OTUD7A: variants seen among roughly 807,000 people sequenced by gnomAD.
OTUD7A encodes the protein OTU domain-containing protein 7A.
A neutral mutation model predicts 65.7 loss-of-function variants in OTUD7A; 12 were observed. The observed-to-expected ratio is 0.18, with a 90% CI of 0.12 to 0.30. The LOEUF (loss-of-function observed/expected upper bound fraction) is 0.30, where lower values mean the gene tolerates loss of function less well. Among genes scored for constraint, OTUD7A ranks in the 10% least tolerant of loss-of-function variants. The pLI, the probability that OTUD7A is intolerant of heterozygous loss-of-function variation, is 1.00. For missense variants in OTUD7A, 1,148 were observed against 1,304.8 expected (o/e 0.88, Z 1.85); for synonymous variants, 641 against 586.3 (o/e 1.09, Z -1.35).
chr15:31,856,399 T>A (rs1015139057), intron 1 of OTUD7A, among the ~76,000 whole-genome samples: 14 of 152,086 alleles, frequency 9.2e-5, no homozygotes, highest in African/African-American at 3.4e-4. Flanking sequence ...AATATTAGAT[T>A]TTTTTTCATG....
chr15:31,843,128 C>T (rs1173464188), intron 1 of OTUD7A, among the ~76,000 whole-genome samples: 1 of 151,822 alleles, frequency 6.6e-6, no homozygotes. Flanking sequence ...TGTGAGGAGT[C>T]GGGAAGTCTA....
At chr15:31,526,501 A>AGCTGC in intron 7 of OTUD7A, 40 bp from the exon 8 acceptor site, 2 of 1,473,994 alleles carry the variant, frequency 1.4e-6, no homozygotes, top group Non-Finnish European at 1.8e-6. Context: ...GGTGGGCCAC[A>AGCTGC]GCTGCGCTGC....
chr15:31,750,613 A>T (rs1362321910), intron 1 of OTUD7A, among the ~76,000 whole-genome samples: 6 of 152,278 alleles, frequency 3.9e-5, no homozygotes, highest in African/African-American at 1.4e-4. Context: ...ACTATACTAC[A>T]AGACCACAGT....
At chr15:31,805,662 A>G (rs1053803082) in intron 1 of OTUD7A, among the ~76,000 whole-genome samples, 4 of 152,194 alleles carry the variant, frequency 2.6e-5, no homozygotes, top group African/African-American at 9.7e-5. Flanking sequence ...ACTTCAATCC[A>G]GATGAATGTG....
At chr15:31,558,879 T>G in intron 5 of OTUD7A, 90 bp downstream of exon 5, 1 of 1,375,750 alleles carries the variant, frequency 7.3e-7, no homozygotes, top group Non-Finnish European at 1.0e-6. Flanking sequence ...TCTGAGAACA[T>G]GTGCCCTTCT....
At chr15:31,685,666 G>C (rs1892820375) in intron 1 of OTUD7A, among the ~76,000 whole-genome samples, 1 of 152,132 alleles carries the variant, frequency 6.6e-6, no homozygotes, top group Admixed American at 6.5e-5. Context: ...CTCAAAAAAA[G>C]ATCCCAGTTA....
At chr15:31,611,315 C>T (rs1890413641) in intron 3 of OTUD7A, among the ~76,000 whole-genome samples, 2 of 152,086 alleles carry the variant, frequency 1.3e-5, no homozygotes, top group South Asian at 4.1e-4. Flanking sequence ...CAGAGCAGAA[C>T]TAAATGAAGC....
At chr15:31,537,643 G>A (rs1195207257) in intron 5 of OTUD7A, among the ~76,000 whole-genome samples, 2 of 152,154 alleles carry the variant, frequency 1.3e-5, no homozygotes, top group Admixed American at 6.5e-5. Context: ...AACCAGGCTG[G>A]GATACAGTAA....
chr15:31,641,007 T>C (rs1891498275), intron 3 of OTUD7A, among the ~76,000 whole-genome samples: 1 of 152,168 alleles, frequency 6.6e-6, no homozygotes, highest in Admixed American at 6.5e-5. Flanking sequence ...ACTTCTGATA[T>C]AGTTTGGCTC....
At chr15:31,651,934 C>CA (rs1365026694) in intron 3 of OTUD7A, among the ~76,000 whole-genome samples, 1 of 128,126 alleles carries the variant, frequency 7.8e-6, no homozygotes, top group Non-Finnish European at 1.6e-5. Context: ...AAATTGTAGA[C>CA]AAAATCTCAG....
chr15:31,709,028 C>G (rs184889067), intron 1 of OTUD7A, among the ~76,000 whole-genome samples: 4 of 151,550 alleles, frequency 2.6e-5, no homozygotes, highest in Admixed American at 2.6e-4. Context: ...TAGACAGAAT[C>G]CGAGCGGAAT....
intron 5 of OTUD7A, among the ~76,000 whole-genome samples, chr15:31,546,929 TA>T (rs1213302675): frequency 6.6e-6 from 1 of 152,270 alleles, no homozygotes; most frequent in East Asian, 1.9e-4. Flanking sequence ...ACCTATGCTA[TA>T]AGAAGTCACT....
chr15:31,766,355 A>G, intron 1 of OTUD7A: 1 of 1,593,602 alleles, frequency 6.3e-7, no homozygotes, highest in South Asian at 1.1e-5. Context: ...TTGGTGGGGG[A>G]AATAACAAAC....
At chr15:31,804,781 A>T (rs898312772) in intron 1 of OTUD7A, among the ~76,000 whole-genome samples, 1 of 152,188 alleles carries the variant, frequency 6.6e-6, no homozygotes, top group Non-Finnish European at 1.5e-5. Flanking sequence ...TGCACCCATG[A>T]CAAGTGATAA....
chr15:31,533,962 C>T (rs1288915691), intron 5 of OTUD7A, among the ~76,000 whole-genome samples: 1 of 152,232 alleles, frequency 6.6e-6, no homozygotes, highest in East Asian at 1.9e-4. Flanking sequence ...AAAATGTCAA[C>T]ACCAATAGAC....
intron 1 of OTUD7A, among the ~76,000 whole-genome samples, chr15:31,862,976 A>G (rs1238700350): frequency 1.3e-5 from 2 of 152,222 alleles, no homozygotes; most frequent in Admixed American, 6.5e-5. Flanking sequence ...TTGGTAATAC[A>G]GCCATTCCAA....
intron 1 of OTUD7A, chr15:31,766,081 T>C (rs1362956488): frequency 1.4e-6 from 2 of 1,473,640 alleles, no homozygotes; most frequent in Non-Finnish European, 9.5e-7. Flanking sequence ...TGTCCCCTTT[T>C]TAAGTAGTCA....
intron 1 of OTUD7A, among the ~76,000 whole-genome samples, chr15:31,818,389 G>C (rs927698490): frequency 6.6e-6 from 1 of 152,118 alleles, no homozygotes; most frequent in Non-Finnish European, 1.5e-5. Flanking sequence ...TCTTTATAGG[G>C]AGAAAAAAAT....
chr15:31,704,810 T>C lies in OTUD7A; in HGVS notation c.-99-47733A>G, dbSNP rs560760658. On this transcript the variant is annotated intron_variant, in intron 1 of 12. Coordinates refer to ENST00000307050, the MANE Select transcript of OTUD7A (RefSeq NM_001382637.1). Reference sequence around the variant, plus strand: ...TCTGTCCTGGAATATTCTGTAACATTGACATGACTGCCATAATTTGCAGAA... The same window carrying C: ...TCTGTCCTGGAATATTCTGTAACATCGACATGACTGCCATAATTTGCAGAA... Among the ~76,000 whole-genome samples, 44 of 152,356 alleles carry C rather than the reference T, an allele frequency of 2.9e-4. No homozygotes were observed. The South Asian group carries it at 8.9e-3, about 31-fold the overall frequency.
Sources: allele counts gnomAD v4.1 joint callset (sites outside exome capture counted in the v4.1 genomes callset), GRCh38; gene constraint gnomAD v4.1.1; transcripts MANE v1.5; gene names NCBI Gene and HGNC (gene_info 2026-07-23, HGNC 2026-07-21).